NFIA: variants seen among roughly 807,000 people sequenced by gnomAD.
NFIA encodes nuclear factor I A.
A neutral mutation model predicts 62.8 loss-of-function variants in NFIA; 8 were observed. That is an observed-to-expected ratio of 0.13 (90% CI 0.07 to 0.23). NFIA has a LOEUF of 0.23. Ranked by LOEUF, NFIA falls within the 10% of genes least tolerant of loss-of-function variation. The pLI is 1.00. For synonymous variants in NFIA, 235 were observed against 238.1 expected (o/e 0.99, Z 0.12); for missense variants, 410 against 642.1 (o/e 0.64, Z 3.91).
chr1:61,348,792 C>T (rs975221528), intron 4 of NFIA, among the ~76,000 whole-genome samples: 1 of 152,196 alleles, frequency 6.6e-6, no homozygotes, highest in Non-Finnish European at 1.5e-5. Flanking sequence ...ACACTTTGCT[C>T]TGTGTTCCTC....
chr1:61,408,154 C>T (rs1398540615), intron 9 of NFIA, among the ~76,000 whole-genome samples: 2 of 152,162 alleles, frequency 1.3e-5, no homozygotes, highest in African/African-American at 4.8e-5. Flanking sequence ...TATCAATAGC[C>T]AAAAGATTGA....
chr1:61,237,006 T>G (rs1452465204), intron 2 of NFIA, among the ~76,000 whole-genome samples: 2 of 152,170 alleles, frequency 1.3e-5, no homozygotes. Context: ...TCTTCTCAAG[T>G]CCAGTCTAAT....
chr1:61,140,154 T>G (rs1259805109), intron 2 of NFIA, among the ~76,000 whole-genome samples: 2 of 152,190 alleles, frequency 1.3e-5, no homozygotes, highest in African/African-American at 4.8e-5. Context: ...AGATAAGTAC[T>G]GAAAATTGGC....
intron 2 of NFIA, among the ~76,000 whole-genome samples, chr1:61,196,898 AGTGTGTGTGTGTGTGTGTGTGTGTGT>A (rs3030264): frequency 7.4e-5 from 11 of 148,448 alleles, no homozygotes; most frequent in African/African-American, 2.7e-4. Context: ...ACCTTAAAGG[AGTGTGTGTGTGTGTGTGTGTGTGTGT>A]GTGTGTGTGT....
At chr1:61,174,723 G>A (rs1206130470) in intron 2 of NFIA, among the ~76,000 whole-genome samples, 1 of 152,186 alleles carries the variant, frequency 6.6e-6, no homozygotes, top group East Asian at 1.9e-4. Flanking sequence ...TAAACTTTGA[G>A]TACCTCCTGT....
intron 2 of NFIA, among the ~76,000 whole-genome samples, chr1:61,235,805 C>T (rs1654975471): frequency 6.8e-6 from 1 of 146,026 alleles, no homozygotes; most frequent in African/African-American, 2.5e-5. Flanking sequence ...AGAGTAAGAT[C>T]CTGTCTCAAA....
rs952868404 is a variant in NFIA at position 61,436,764 on chromosome 1, A to G, written c.1512+10208A>G. ...CTATTGAGTCTGTTCATTGAGTTAC[A>G]TTCCACAGCACACACCTCCCCCAAA... On this transcript the variant is annotated intron_variant, in intron 10 of 10. Coordinates refer to ENST00000403491, the MANE Select transcript of NFIA (RefSeq NM_001134673.4). Among the ~76,000 whole-genome samples the G allele has an allele frequency of 7.2e-5, 11 of 152,180 alleles. No homozygotes were observed. The East Asian group carries it at 1.7e-3, about 24-fold the overall frequency.
chr1:61,298,255 A>G (rs1022305919), intron 3 of NFIA, among the ~76,000 whole-genome samples: 1 of 152,140 alleles, frequency 6.6e-6, no homozygotes, highest in African/African-American at 2.4e-5. Context: ...CTTGCCTGCC[A>G]CCGTGTAAGA....
At chr1:61,145,995 A>G (rs1048546121) in intron 2 of NFIA, among the ~76,000 whole-genome samples, 3 of 152,200 alleles carry the variant, frequency 2.0e-5, no homozygotes, top group African/African-American at 7.2e-5. Context: ...CTATTCCCTG[A>G]TAGGTCTGGA....
chr1:61,133,131 T>C (rs959328006), intron 2 of NFIA: 1 of 152,194 alleles, frequency 6.6e-6, no homozygotes, highest in Non-Finnish European at 1.5e-5. Context: ...AAGACTTTTA[T>C]AGGCATTTTT....
At chr1:61,089,181 A>G (rs893029350) in intron 2 of NFIA, among the ~76,000 whole-genome samples, 1 of 152,160 alleles carries the variant, frequency 6.6e-6, no homozygotes, top group African/African-American at 2.4e-5. Flanking sequence ...AAAAATAATC[A>G]CATTAATACG....
intron 2 of NFIA, among the ~76,000 whole-genome samples, chr1:61,136,364 G>A (rs866114864): frequency 1.3e-5 from 2 of 152,218 alleles, no homozygotes; most frequent in African/African-American, 4.8e-5. Context: ...AGCATGGAGT[G>A]TAAGAAGAAA....
intron 2 of NFIA, among the ~76,000 whole-genome samples, chr1:61,255,640 G>A (rs1466847716): frequency 6.6e-6 from 1 of 152,164 alleles, no homozygotes; most frequent in South Asian, 2.1e-4. Context: ...TCTTTTACGA[G>A]TAGATTTTTA....
intron 2 of NFIA, among the ~76,000 whole-genome samples, chr1:61,177,599 A>G (rs1193565363): frequency 6.6e-6 from 1 of 152,146 alleles, no homozygotes; most frequent in Non-Finnish European, 1.5e-5. Flanking sequence ...GTTCTGAATC[A>G]TAAAAGGTTA....
chr1:61,150,553 G>A (rs1340964812), intron 2 of NFIA, among the ~76,000 whole-genome samples: 2 of 152,144 alleles, frequency 1.3e-5, no homozygotes, highest in Non-Finnish European at 2.9e-5. Flanking sequence ...TATTTTGGGG[G>A]GAAATTTTAA....
chr1:61,181,047 C>T (rs1336725047), intron 2 of NFIA, among the ~76,000 whole-genome samples: 1 of 152,132 alleles, frequency 6.6e-6, no homozygotes, highest in Non-Finnish European at 1.5e-5. Context: ...ATTTTGACCC[C>T]TGGAAAAAAA....
At chr1:61,155,258 A>G (rs17121728) in intron 2 of NFIA, among the ~76,000 whole-genome samples, 7,469 of 152,302 alleles carry the variant, frequency 0.049, 475 homozygotes, top group East Asian at 0.28. Context: ...TACTTTCTTA[A>G]GACTGCTCAT....
chr1:61,449,819 G>C (rs2100586784), intron 10 of NFIA, among the ~76,000 whole-genome samples: 1 of 152,338 alleles, frequency 6.6e-6, no homozygotes, highest in Admixed American at 6.5e-5. Context: ...AGAGATCAAA[G>C]CCCAAGGCTG....
chr1:61,338,718 G>A (rs1382974743), intron 4 of NFIA, among the ~76,000 whole-genome samples: 1 of 152,202 alleles, frequency 6.6e-6, no homozygotes, highest in Admixed American at 6.5e-5. Flanking sequence ...TGCACAGAAG[G>A]ACTAATGAGG....
Sources: allele counts gnomAD v4.1 joint callset (sites outside exome capture counted in the v4.1 genomes callset), GRCh38; gene constraint gnomAD v4.1.1; transcripts MANE v1.5; gene names NCBI Gene and HGNC (gene_info 2026-07-23, HGNC 2026-07-21).